CASTOR2: variants seen among roughly 807,000 people sequenced by gnomAD.
The protein encoded by CASTOR2 is cytosolic arginine sensor for mTORC1 subunit 2, also known as GATS protein like 2.
A neutral mutation model predicts 31.2 loss-of-function variants in CASTOR2; 8 were observed. The ratio of observed to expected loss-of-function variants is 0.26; its 90% CI spans 0.15 to 0.46. CASTOR2 has a LOEUF of 0.46. Among genes scored for constraint, CASTOR2 ranks in the 20% least tolerant of loss-of-function variants. The probability of loss-of-function intolerance (pLI) is 0.99; values close to 1 mark genes in which losing one functional copy is unlikely to be tolerated. For missense variants in CASTOR2, 216 were observed against 382.1 expected (o/e 0.57, Z 3.62); for synonymous variants, 162 against 158.7 (o/e 1.02, Z -0.16).
chr7:75,011,578 CAAA>C (rs1443307117), intron 2 of CASTOR2, among the ~76,000 whole-genome samples: 2 of 150,944 alleles, frequency 1.3e-5, no homozygotes, highest in Non-Finnish European at 3.0e-5. Flanking sequence ...ACTAAAAATA[CAAA>C]AAAAATTTGC....
chr7:74,988,868 T>C (rs587626288), intron 1 of CASTOR2, among the ~76,000 whole-genome samples: 2 of 152,080 alleles, frequency 1.3e-5, no homozygotes, highest in East Asian at 1.9e-4. Flanking sequence ...TTTTTTTTTT[T>C]CATTCCACAT....
intron 1 of CASTOR2, among the ~76,000 whole-genome samples, chr7:74,994,266 G>C (rs1554437668): frequency 6.6e-6 from 1 of 152,228 alleles, no homozygotes; most frequent in Non-Finnish European, 1.5e-5. Flanking sequence ...AATGGATTTT[G>C]AGAGTCAGCG....
At chr7:75,004,139 C>T (rs1286804491) in intron 1 of CASTOR2, among the ~76,000 whole-genome samples, 1 of 152,162 alleles carries the variant, frequency 6.6e-6, no homozygotes, top group Non-Finnish European at 1.5e-5. Context: ...GGAGTACCAG[C>T]TCATGGCAGT....
At chr7:75,014,666 A>G (rs1804827933) in intron 2 of CASTOR2, among the ~76,000 whole-genome samples, 1 of 152,080 alleles carries the variant, frequency 6.6e-6, no homozygotes, top group Non-Finnish European at 1.5e-5. Context: ...AGACCAATCC[A>G]TCAGACAGGC....
intron 1 of CASTOR2, among the ~76,000 whole-genome samples, chr7:74,992,841 T>A (rs1554437498): frequency 6.6e-6 from 1 of 151,802 alleles, no homozygotes; most frequent in Admixed American, 6.6e-5. Context: ...AGTGCAAGGC[T>A]GCAGTGAGCT....
rs2131954220 is a variant in CASTOR2, at chr7:75,017,993, C to T, written c.382C>T (p.Arg128Cys). 5 of 1,614,210 alleles carry T rather than the reference C, an allele frequency of 3.1e-6. No homozygotes were observed. Among genetic ancestry groups the T allele is most frequent in the Non-Finnish European group, 4.2e-6 (5 of 1,180,040 alleles). Residue 128 changes from arginine to cysteine, a missense_variant, in exon 4 of 9, where the codon CGC becomes TGC. Physicochemically the swap from Arg to Cys is radical, Grantham distance 180. Around this residue, in one of 5 missense-constraint regions of CASTOR2, gnomAD observed 114 missense variants for 194.2 expected, o/e 0.59. Transcript: ENST00000616305. ...STYQTDFILV[R>C]ERDLPFVTHT... ...GGCCTCAACTTCTTGCCCCTAGGTG[C>T]GCGAGCGGGACCTGCCCTTTGTCAC...
At position 75,012,158 on chromosome 7, in the gene CASTOR2, C is replaced by G. The variant is rs1364102497; in HGVS notation, c.184+4094C>G. On this transcript the variant is annotated intron_variant, in intron 2 of 8. Coordinates refer to ENST00000616305, the MANE Select transcript of CASTOR2 (RefSeq NM_001145064.3). ...AGTAATGTGAGAAGATGGTATACCA[C>G]CATGTGTGGCCTAGGACAGTCTGAG... is the stretch of plus-strand genomic sequence containing the variant. 2.0e-5 allele frequency among the ~76,000 whole-genome samples: 3 copies of G among 152,058 alleles called. No homozygotes were observed. In the East Asian group the frequency reaches 5.8e-4, roughly 29 times the overall value.
chr7:74,985,949 A>T (rs1250902360), intron 1 of CASTOR2, among the ~76,000 whole-genome samples: 1 of 151,720 alleles, frequency 6.6e-6, no homozygotes, highest in East Asian at 1.9e-4. Flanking sequence ...TTTTTTTGAG[A>T]CAGAGTCTCA....
chr7:75,025,412 G>A lies in CASTOR2; in HGVS notation c.*713G>A, dbSNP rs1192624461. Among the ~76,000 whole-genome samples the A allele has an allele frequency of 2.0e-5, 3 of 152,174 alleles. No homozygotes were observed. The highest frequency in any genetic ancestry group is 2.9e-5 in the Non-Finnish European group (2 of 68,018). Reference sequence around the variant, plus strand: ...AGCACTCAGTCCTTGGGGGAGGAGGGAGGGTCCCAGGAGACCCACCAGCCT... The same window carrying A: ...AGCACTCAGTCCTTGGGGGAGGAGGAAGGGTCCCAGGAGACCCACCAGCCT... On this transcript the variant is annotated 3_prime_UTR_variant, in exon 9 of 9. Coordinates refer to ENST00000616305, the MANE Select transcript of CASTOR2 (RefSeq NM_001145064.3).
chr7:75,019,456 G>A (rs1254720109), intron 5 of CASTOR2, among the ~76,000 whole-genome samples: 1 of 152,068 alleles, frequency 6.6e-6, no homozygotes, highest in Non-Finnish European at 1.5e-5. Context: ...CTAGTTTGGG[G>A]TGGGAGACAT....
At chr7:74,996,715 CTTTTTTTTTTTT>C (rs1179122101) in intron 1 of CASTOR2, among the ~76,000 whole-genome samples, 1 of 40,766 alleles carries the variant, frequency 2.5e-5, no homozygotes, top group Admixed American at 4.5e-4. Flanking sequence ...ATGCCTGGTG[CTTTTTTTTTTTT>C]TTTTTTTTTT....
chr7:75,015,996 G>A (rs1804854729), intron 2 of CASTOR2, among the ~76,000 whole-genome samples: 1 of 152,112 alleles, frequency 6.6e-6, no homozygotes, highest in Non-Finnish European at 1.5e-5. Context: ...GAACCAGGAG[G>A]CAGAGGTTGC....
At chr7:74,994,606 C>T (rs1173385009) in intron 1 of CASTOR2, among the ~76,000 whole-genome samples, 21 of 152,004 alleles carry the variant, frequency 1.4e-4, no homozygotes, top group African/African-American at 4.8e-5. Flanking sequence ...GAAAATTAGC[C>T]GGGCGTGGTG....
rs1047854176 is a variant in CASTOR2 at position 75,025,887 on chromosome 7, C to T, written c.*1188C>T. 5.3e-5 allele frequency among the ~76,000 whole-genome samples: 8 copies of T among 152,134 alleles called. No individual in the cohort carries two copies. Among genetic ancestry groups the T allele is most frequent in the African/African-American group, 9.7e-5 (4 of 41,418 alleles). ...GGCTCCAGGGACAGGCAGTGGGAAT[C>T]GGGAGATGTCACAGGAGCCTGGGCC... On this transcript the variant is annotated 3_prime_UTR_variant, in exon 9 of 9. Transcript: ENST00000616305.
intron 6 of CASTOR2, among the ~76,000 whole-genome samples, chr7:75,021,104 G>C (rs1261484960): frequency 1.3e-5 from 2 of 152,220 alleles, no homozygotes; most frequent in African/African-American, 4.8e-5. Flanking sequence ...TGATTCTCCT[G>C]CCTCAGCCTC....
intron 1 of CASTOR2, among the ~76,000 whole-genome samples, chr7:75,003,730 C>T (rs1160895343): frequency 6.6e-6 from 1 of 151,708 alleles, no homozygotes; most frequent in Non-Finnish European, 1.5e-5. Context: ...GCCTGGGTAA[C>T]AGAGCGAGAC....
Position 75,030,369 on chromosome 7 carries a change from G to T in CASTOR2, c.*5670G>T, listed in dbSNP as rs1666992399. Reference sequence around the variant, plus strand: ...GTTGTCAGGCCTTGAGTGCAGAAATGATTAGGTGAGTGAGGGCAGGACTCG... The same window carrying T: ...GTTGTCAGGCCTTGAGTGCAGAAATTATTAGGTGAGTGAGGGCAGGACTCG... On this transcript the variant is annotated 3_prime_UTR_variant, in exon 9 of 9. Transcript: ENST00000616305. Among the ~76,000 whole-genome samples the T allele has an allele frequency of 6.6e-6, 1 of 152,230 alleles. No homozygotes were observed. The highest frequency in any genetic ancestry group is 6.5e-5 in the Admixed American group (1 of 15,284).
At chr7:75,001,868 C>T (rs2131940283) in intron 1 of CASTOR2, among the ~76,000 whole-genome samples, 1 of 152,218 alleles carries the variant, frequency 6.6e-6, no homozygotes, top group African/African-American at 2.4e-5. Context: ...ATGGGTTGTG[C>T]ACTGCACAAC....
Position 75,018,019 on chromosome 7 carries a change from C to A in CASTOR2, c.408C>A (p.Thr136=). Residue 136 remains threonine (T), a synonymous_variant, in exon 4 of 9, where the codon ACC becomes ACA. Coordinates refer to ENST00000616305, the MANE Select transcript of CASTOR2 (RefSeq NM_001145064.3). ...LVRERDLPFV[T]HTLSSEFTIL... is the part of the protein sequence containing the mutation. Reference sequence around the variant, plus strand: ...GCGAGCGGGACCTGCCCTTTGTCACCCACACATTGTCATCAGAGTTCACCA... The same window carrying A: ...GCGAGCGGGACCTGCCCTTTGTCACACACACATTGTCATCAGAGTTCACCA... The A allele has an allele frequency of 3.7e-6, 6 of 1,614,208 alleles. No individual in the cohort carries two copies. The highest frequency in any genetic ancestry group is 5.1e-6 in the Non-Finnish European group (6 of 1,180,038).
Sources: allele counts gnomAD v4.1 joint callset (sites outside exome capture counted in the v4.1 genomes callset), GRCh38; gene constraint gnomAD v4.1.1; regional missense constraint gnomAD v4.1.1; transcripts MANE v1.5; gene names NCBI Gene and HGNC (gene_info 2026-07-23, HGNC 2026-07-21).